The following CLCN5 variants were observed in gnomAD, a reference collection of about 807,000 sequenced individuals.
CLCN5 encodes the protein H(+)/Cl(-) exchange transporter 5.
CLCN5 carries 17 observed loss-of-function variants against 54.0 expected under a neutral mutation model. That is an observed-to-expected ratio of 0.31 (90% CI 0.22 to 0.47). The LOEUF (loss-of-function observed/expected upper bound fraction) is 0.47, where lower values mean the gene tolerates loss of function less well. Ranked by LOEUF, CLCN5 falls within the 20% of genes least tolerant of loss-of-function variation. The pLI, the probability that CLCN5 is intolerant of heterozygous loss-of-function variation, is 1.00. For synonymous variants in CLCN5, 222 were observed against 233.0 expected (o/e 0.95, Z 0.43); for missense variants, 448 against 646.7 (o/e 0.69, Z 3.33).
chrX:50,083,663 A>G (rs782097611), intron 9 of CLCN5, among the ~76,000 whole-genome samples: 22 of 112,189 alleles, frequency 2.0e-4, no homozygotes, highest in African/African-American at 7.1e-4. Context: ...TATATGTGCA[A>G]CTGACTTTTC....
intron 8 of CLCN5, 141 bp from the exon 9 acceptor site, chrX:50,081,500 C>A: frequency 2.0e-6 from 1 of 508,178 alleles, no homozygotes; most frequent in Non-Finnish European, 3.4e-6. Flanking sequence ...GGCTCTCTTC[C>A]AAACAGGGAT....
chrX:50,073,214 G>GGGGAGA (rs1417648214), intron 6 of CLCN5, among the ~76,000 whole-genome samples: 3 of 111,698 alleles, frequency 2.7e-5, no homozygotes, highest in Non-Finnish European at 5.6e-5. Flanking sequence ...CTCACCCGGT[G>GGGGAGA]GGGAGAGGAG....
chrX:50,063,828 A>G (rs782756355), intron 4 of CLCN5, among the ~76,000 whole-genome samples: 6 of 111,579 alleles, frequency 5.4e-5, no homozygotes, highest in South Asian at 3.8e-4. Flanking sequence ...AGTGGGCGTC[A>G]TCCCTGGGAT....
intron 3 of CLCN5, among the ~76,000 whole-genome samples, chrX:50,018,652 T>C (rs1930905946): frequency 8.9e-6 from 1 of 112,066 alleles, no homozygotes; most frequent in African/African-American, 3.2e-5. Context: ...AATTAGAGTT[T>C]TTATCGTGAA....
chrX:50,057,428 T>C (rs1932772982), intron 4 of CLCN5, among the ~76,000 whole-genome samples: 1 of 61,220 alleles, frequency 1.6e-5, no homozygotes, highest in East Asian at 6.4e-4. Flanking sequence ...TCCAGGACTC[T>C]CCTGGATAGA....
chrX:49,951,732 A>G (rs782471366), intron 3 of CLCN5, among the ~76,000 whole-genome samples: 59 of 112,085 alleles, frequency 5.3e-4, no homozygotes, highest in Non-Finnish European at 9.8e-4. Context: ...GGTCCCCTCT[A>G]TACTCAAAGG....
intron 3 of CLCN5, among the ~76,000 whole-genome samples, chrX:49,927,912 A>G (rs1399801058): frequency 2.7e-5 from 3 of 112,459 alleles, no homozygotes; most frequent in African/African-American, 6.5e-5. Context: ...GCACAGAAAG[A>G]TAAATACTGC....
chrX:49,974,412 CT>C (rs200768955), intron 3 of CLCN5, among the ~76,000 whole-genome samples: 45 of 101,205 alleles, frequency 4.4e-4, no homozygotes, highest in African/African-American at 5.4e-4. Flanking sequence ...CTTTACTGGC[CT>C]TTTTTTTTTT....
chrX:50,086,999 C>T, intron 11 of CLCN5, 129 bp downstream of exon 11: 1 of 617,917 alleles, frequency 1.6e-6, no homozygotes, highest in Non-Finnish European at 2.6e-6. Context: ...ATTCCCCCAC[C>T]CCCAAAGCCT....
At chrX:50,077,297 C>T (rs1040026632) in intron 7 of CLCN5, among the ~76,000 whole-genome samples, 1 of 110,944 alleles carries the variant, frequency 9.0e-6, no homozygotes, top group Non-Finnish European at 1.9e-5. Flanking sequence ...CTATGCTTCT[C>T]AAACTAGGGT....
chrX:50,075,246 A>G lies in CLCN5; in HGVS notation c.416-549A>G, dbSNP rs1004773087. On this transcript the variant is annotated intron_variant, in intron 6 of 14. Transcript: ENST00000376091. ...ATTGCTCAAATTCCCTTGTCCATGG[A>G]GCACAATCCTACTATTAAGGCTTAG... Among the ~76,000 whole-genome samples, 17 of 110,706 alleles carry G rather than the reference A, an allele frequency of 1.5e-4. 1 individual carries two copies. Among genetic ancestry groups the G allele is most frequent in the African/African-American group, 5.6e-4 (17 of 30,396 alleles).
chrX:50,050,726 C>T (rs1291124904), intron 4 of CLCN5, among the ~76,000 whole-genome samples: 1 of 89,232 alleles, frequency 1.1e-5, no homozygotes, highest in Non-Finnish European at 2.1e-5. Flanking sequence ...GTGGTTCCAT[C>T]TCGCTTGGCT....
At chrX:49,928,505 C>A (rs1379617806) in intron 3 of CLCN5, among the ~76,000 whole-genome samples, 1 of 112,011 alleles carries the variant, frequency 8.9e-6, no homozygotes, top group Non-Finnish European at 1.9e-5. Flanking sequence ...CTATTATTTT[C>A]TTATAACCTG....
chrX:49,939,325 A>G (rs1185469859), intron 3 of CLCN5, among the ~76,000 whole-genome samples: 1 of 110,581 alleles, frequency 9.0e-6, no homozygotes, highest in African/African-American at 3.3e-5. Flanking sequence ...GCTGCTATAA[A>G]GACACATGTA....
intron 3 of CLCN5, among the ~76,000 whole-genome samples, chrX:49,936,437 T>C (rs1557169712): frequency 1.8e-5 from 2 of 111,838 alleles, no homozygotes; most frequent in Non-Finnish European, 3.8e-5. Context: ...CAACCTATAA[T>C]AATTCATTAT....
intron 11 of CLCN5, among the ~76,000 whole-genome samples, chrX:50,087,454 G>A (rs782336830): frequency 8.9e-6 from 1 of 111,869 alleles, no homozygotes; most frequent in South Asian, 3.8e-4. Flanking sequence ...ATCAAAAGTG[G>A]ACATCAGGCT....
At chrX:50,018,985 A>G (rs782377463) in intron 3 of CLCN5, among the ~76,000 whole-genome samples, 44 of 112,032 alleles carry the variant, frequency 3.9e-4, no homozygotes, top group African/African-American at 5.2e-4. Context: ...CTTTGCTTCT[A>G]TCTTCTGAAA....
intron 9 of CLCN5, among the ~76,000 whole-genome samples, chrX:50,082,358 A>G (rs782481473): frequency 9.3e-6 from 1 of 107,749 alleles, no homozygotes; most frequent in Non-Finnish European, 1.9e-5. Flanking sequence ...TGTCACCTAG[A>G]CTGCAGTGCA....
At position 49,959,908 on chromosome X, in the gene CLCN5, G is replaced by C. The variant is rs782628827; in HGVS notation, c.16+34594G>C. Reference sequence around the variant, plus strand: ...TCTGCTTCAGCAACCTCTTCATATGGGGGGCACACTTATTAATCATGTCAC... The same window carrying C: ...TCTGCTTCAGCAACCTCTTCATATGCGGGGCACACTTATTAATCATGTCAC... On this transcript the variant is annotated intron_variant, in intron 3 of 14. Transcript: ENST00000376091. Among the ~76,000 whole-genome samples, 6 of 110,978 alleles carry C rather than the reference G, an allele frequency of 5.4e-5. No individual in the cohort carries two copies. The East Asian group carries it at 1.7e-3, about 32-fold the overall frequency.
Sources: gnomAD v4.1 joint callset for allele counts (sites outside exome capture counted in the v4.1 genomes callset) on GRCh38, gnomAD v4.1.1 for gene constraint, MANE v1.5 for transcripts, NCBI Gene and HGNC (gene_info 2026-07-23, HGNC 2026-07-21) for gene names.